The following SCNN1B variants were observed in gnomAD, a reference collection of about 807,000 sequenced individuals.
SCNN1B encodes the protein sodium channel epithelial 1 subunit beta, also known as epithelial sodium channel subunit beta.
SCNN1B carries 46 observed loss-of-function variants against 65.3 expected under a neutral mutation model. The observed-to-expected ratio is 0.70, with a 90% CI of 0.56 to 0.90. The LOEUF (loss-of-function observed/expected upper bound fraction) is 0.90. Ranked by LOEUF, SCNN1B falls within the 40% of genes least tolerant of loss-of-function variation. The pLI, the probability that SCNN1B is intolerant of heterozygous loss-of-function variation, is 0.00. For synonymous variants in SCNN1B, 349 were observed against 330.6 expected (o/e 1.06, Z -0.60); for missense variants, 751 against 830.5 (o/e 0.90, Z 1.18).
chr16:23,289,896 G>A (rs1046078371), intron 2 of SCNN1B, among the ~76,000 whole-genome samples: 2 of 151,788 alleles, frequency 1.3e-5, no homozygotes, highest in African/African-American at 4.8e-5. Context: ...GGCTGGTCTC[G>A]AACTCCTGAT....
chr16:23,287,991 C>CAA (rs113127053), intron 2 of SCNN1B, among the ~76,000 whole-genome samples: 20,105 of 114,300 alleles, frequency 0.18, 1,496 homozygotes, highest in Middle Eastern at 0.24. Context: ...CCCATCTCTA[C>CAA]AAAAAAAAAA....
At chr16:23,375,665 C>G in intron 7 of SCNN1B, 73 bp from the exon 8 acceptor site, 3 of 1,069,764 alleles carry the variant, frequency 2.8e-6, no homozygotes, top group Non-Finnish European at 4.4e-6. Flanking sequence ...TCTCTGGACA[C>G]CCCTGGTGCT....
Position 23,371,814 on chromosome 16 carries a change from C to T in SCNN1B, c.1083C>T (p.Cys361=). The T allele has an allele frequency of 6.2e-7, 1 of 1,614,238 alleles. No individual in the cohort carries two copies. The highest frequency in any genetic ancestry group is 8.5e-7 in the Non-Finnish European group (1 of 1,180,008). Residue 361 remains cysteine (C), a synonymous_variant, in exon 7 of 13, where the codon TGC becomes TGT. Coordinates refer to ENST00000343070, the MANE Select transcript of SCNN1B (RefSeq NM_000336.3). ...LQRMGEPYSP[C]TVNGSEVPVQ... ...GCATGGGGGAGCCCTACAGCCCGTG[C>T]ACCGTGAATGGTTCTGAGGTCCCCG...
intron 1 of SCNN1B, among the ~76,000 whole-genome samples, chr16:23,281,565 T>A (rs1401909946): frequency 6.6e-6 from 1 of 152,168 alleles, no homozygotes; most frequent in Non-Finnish European, 1.5e-5. Context: ...TGGGGTCAGG[T>A]ACAGTTGGCA....
At chr16:23,367,298 T>C (rs1045908274) in intron 4 of SCNN1B, among the ~76,000 whole-genome samples, 4 of 152,140 alleles carry the variant, frequency 2.6e-5, no homozygotes, top group African/African-American at 7.2e-5. Context: ...TTTGTTGTTG[T>C]TGTTTGTTGT....
chr16:23,365,933 T>C (rs1453337395), intron 4 of SCNN1B, among the ~76,000 whole-genome samples: 1 of 152,218 alleles, frequency 6.6e-6, no homozygotes, highest in Non-Finnish European at 1.5e-5. Context: ...GCAAGTCAAC[T>C]AGCTGAGACA....
At chr16:23,332,625 C>G (rs553107143) in intron 1 of SCNN1B, among the ~76,000 whole-genome samples, 123 of 152,300 alleles carry the variant, frequency 8.1e-4, no homozygotes, top group African/African-American at 2.9e-3. Context: ...GCCACCATGC[C>G]TGGTCAGAGA....
chr16:23,340,268 C>T (rs1021614682), intron 1 of SCNN1B, among the ~76,000 whole-genome samples: 1 of 152,154 alleles, frequency 6.6e-6, no homozygotes, highest in Admixed American at 6.5e-5. Context: ...TCAACCATGT[C>T]TTTTGAAAAG....
chr16:23,365,620 A>AGAGAGAAAGAAAGAAAGAAAG (rs11399911), intron 4 of SCNN1B, among the ~76,000 whole-genome samples: 2 of 80,502 alleles, frequency 2.5e-5, no homozygotes, highest in South Asian at 4.5e-4. Flanking sequence ...AAAGAAAGAA[A>AGAGAGAAAGAAAGAAAGAAAG]AAAGAAAGAA....
At position 23,380,123 on chromosome 16, in the gene SCNN1B, T is replaced by C. The variant is rs925067665; in HGVS notation, c.1496T>C (p.Phe499Ser). The change falls in exon 12 of 13, where the codon TTC becomes TCC. Residue 499 changes from phenylalanine to serine, a missense_variant. Physicochemically the swap from Phe to Ser is radical, Grantham distance 155. Coordinates refer to ENST00000343070, the MANE Select transcript of SCNN1B (RefSeq NM_000336.3). The surrounding 1 kb of genome is among the most constrained non-coding windows in gnomAD (Gnocchi z 5.4). ...RKGIVKLNIY[F>S]QEFNYRTIEE... ...GGAATTGTCAAGCTCAACATCTACT[T>C]CCAAGAATTTAACTATCGCACCATT... is the stretch of plus-strand genomic sequence containing the variant. 1.9e-6 allele frequency: 3 copies of C among 1,613,980 alleles called. No homozygotes were observed. Among genetic ancestry groups the C allele is most frequent in the Non-Finnish European group, 2.5e-6 (3 of 1,180,016 alleles).
chr16:23,280,729 A>G (rs1479344235), intron 1 of SCNN1B, among the ~76,000 whole-genome samples: 1 of 152,206 alleles, frequency 6.6e-6, no homozygotes, highest in Admixed American at 6.5e-5. Flanking sequence ...GTGGCTAGAG[A>G]AGGTGTGGTC....
chr16:23,378,806 A>AG (rs1962969196), intron 11 of SCNN1B, 39 bp downstream of exon 11: 3 of 1,596,480 alleles, frequency 1.9e-6, no homozygotes, highest in Non-Finnish European at 2.6e-6. Context: ...AAGACAGGGA[A>AG]GGGGTCCAGA....
chr16:23,349,588 T>C (rs532859053), intron 2 of SCNN1B, among the ~76,000 whole-genome samples: 1 of 152,140 alleles, frequency 6.6e-6, no homozygotes, highest in South Asian at 2.1e-4. Context: ...AGAGAGAACC[T>C]TGGGCACCCT....
intron 4 of SCNN1B, among the ~76,000 whole-genome samples, chr16:23,367,577 C>T (rs776187332): frequency 1.3e-5 from 2 of 152,246 alleles, no homozygotes; most frequent in Non-Finnish European, 2.9e-5. Flanking sequence ...GGATTACAGG[C>T]GTGAGCCACC....
At chr16:23,316,815 TCTC>T (rs1345976230) in intron 1 of SCNN1B, among the ~76,000 whole-genome samples, 1 of 149,612 alleles carries the variant, frequency 6.7e-6, no homozygotes, top group Non-Finnish European at 1.5e-5. Flanking sequence ...ACCCTCACCA[TCTC>T]CTCCATCATC....
At chr16:23,307,389 G>A (rs902137767) in intron 1 of SCNN1B, among the ~76,000 whole-genome samples, 3 of 145,622 alleles carry the variant, frequency 2.1e-5, no homozygotes, top group Non-Finnish European at 3.0e-5. Flanking sequence ...GTGTGATCTC[G>A]GCTCACTGCA....
At chr16:23,286,942 A>G (rs1960858231) in intron 2 of SCNN1B, among the ~76,000 whole-genome samples, 1 of 150,280 alleles carries the variant, frequency 6.7e-6, no homozygotes, top group African/African-American at 2.5e-5. Context: ...AGTAAATTTT[A>G]TTTAGTTTTT....
At position 23,371,794 on chromosome 16, in the gene SCNN1B, G is replaced by C; in HGVS notation, c.1063G>C (p.Gly355Arg). Residue 355 changes from glycine to arginine, a missense_variant, in exon 7 of 13, where the codon GGG becomes CGG. Gly to Arg is a moderately radical substitution (Grantham distance 125, BLOSUM62 -2). Transcript: ENST00000343070. ...AACACAGGACAAGCTTCAGCGCATG[G>C]GGGAGCCCTACAGCCCGTGCACCGT... ...GVLVDKLQRM[G>R]EPYSPCTVNG... The C allele has an allele frequency of 6.2e-7, 1 of 1,614,174 alleles. No homozygotes were observed. Among genetic ancestry groups the C allele is most frequent in the Non-Finnish European group, 8.5e-7 (1 of 1,179,968 alleles).
At chr16:23,330,250 G>A (rs1961784329) in intron 1 of SCNN1B, among the ~76,000 whole-genome samples, 1 of 152,144 alleles carries the variant, frequency 6.6e-6, no homozygotes, top group Non-Finnish European at 1.5e-5. Flanking sequence ...CTCTTGTCCG[G>A]CATCCTCCAA....
Sources: gnomAD v4.1 joint callset for allele counts (sites outside exome capture counted in the v4.1 genomes callset) on GRCh38, gnomAD v4.1.1 for gene constraint, Gnocchi (gnomAD v3.1) non-coding constraint, MANE v1.5 for transcripts, NCBI Gene and HGNC (gene_info 2026-07-23, HGNC 2026-07-21) for gene names.